The following SNTG2 variants were observed in gnomAD, a reference collection of about 807,000 sequenced individuals.
The protein encoded by SNTG2 is syntrophin gamma 2.
In SNTG2, 74 loss-of-function variants were observed where a neutral mutation model predicts 70.9. The ratio of observed to expected loss-of-function variants is 1.04; its 90% CI spans 0.86 to 1.27. The LOEUF is 1.27. Among genes scored for constraint, SNTG2 ranks in the 50% most tolerant of loss-of-function variants. SNTG2 has a pLI of 0.00. For missense variants in SNTG2, 717 were observed against 690.7 expected, an observed-to-expected ratio of 1.04 and a Z score of -0.43; for synonymous variants, 278 against 273.8, an observed-to-expected ratio of 1.02 and a Z score of -0.15.
intron 1 of SNTG2, among the ~76,000 whole-genome samples, chr2:1,034,996 T>G: frequency 6.6e-6 from 1 of 152,140 alleles, no homozygotes; most frequent in East Asian, 1.9e-4. Context: ...GCTAAGCAAC[T>G]GAAATCACAC....
At chr2:1,092,877 T>A (rs1665125669) in intron 2 of SNTG2, among the ~76,000 whole-genome samples, 2 of 152,228 alleles carry the variant, frequency 1.3e-5, no homozygotes, top group African/African-American at 4.8e-5. Flanking sequence ...ATTAATTAAA[T>A]GTCATAACAT....
At chr2:1,288,148 T>A (rs1679842619) in intron 14 of SNTG2, among the ~76,000 whole-genome samples, 1 of 152,164 alleles carries the variant, frequency 6.6e-6, no homozygotes, top group Non-Finnish European at 1.5e-5. Context: ...ACATGGTAAA[T>A]GCCATCCAAC....
chr2:1,321,707 G>A (rs1681530860), intron 16 of SNTG2, among the ~76,000 whole-genome samples: 1 of 152,108 alleles, frequency 6.6e-6, no homozygotes, highest in African/African-American at 2.4e-5. Context: ...ATGAACCAGG[G>A]GCTCCTAAAT....
chr2:1,360,055 AG>A (rs1235072956), intron 16 of SNTG2, among the ~76,000 whole-genome samples: 84 of 71,708 alleles, frequency 1.2e-3, no homozygotes, highest in African/African-American at 3.7e-3. Flanking sequence ...TTTTTCCCAT[AG>A]GAAAAAAAAA....
chr2:1,132,199 GTATATATATGTGTATA>G (rs1558437122), intron 4 of SNTG2, among the ~76,000 whole-genome samples: 1 of 150,848 alleles, frequency 6.6e-6, no homozygotes, highest in Non-Finnish European at 1.5e-5. Flanking sequence ...ATATGTGTGT[GTATATATATGTGTATA>G]TATATGTGTA....
chr2:1,094,347 G>A lies in SNTG2; in HGVS notation c.211-3849G>A, dbSNP rs1665241981. Among the ~76,000 whole-genome samples, 2 of 60,220 alleles carry A rather than the reference G, an allele frequency of 3.3e-5. 1 individual carries two copies. Among genetic ancestry groups the A allele is most frequent in the Non-Finnish European group, 6.0e-5 (2 of 33,302 alleles). 39.5% of individuals were successfully genotyped at this position (60,220 alleles called of 152,430 possible). On this transcript the variant is annotated intron_variant, in intron 2 of 16. Coordinates refer to ENST00000308624, the MANE Select transcript of SNTG2 (RefSeq NM_018968.4). Reference sequence around the variant, plus strand: ...CTGCAGGCGAAGGCCTTATAGGTGTGTCCTCATATGGTAGAGTTACTGGCA... The same window carrying A: ...CTGCAGGCGAAGGCCTTATAGGTGTATCCTCATATGGTAGAGTTACTGGCA...
At chr2:1,213,774 A>G (rs1032114598) in intron 9 of SNTG2, among the ~76,000 whole-genome samples, 1 of 152,206 alleles carries the variant, frequency 6.6e-6, no homozygotes, top group Non-Finnish European at 1.5e-5. Context: ...AAACCTCACA[A>G]AGATATTGTT....
intron 9 of SNTG2, among the ~76,000 whole-genome samples, chr2:1,221,477 C>CTGCCTA (rs1674839134): frequency 2.8e-5 from 1 of 35,236 alleles, no homozygotes; most frequent in Admixed American, 2.3e-4. Context: ...CTCTCTGTCT[C>CTGCCTA]TCTCTCTCTC....
intron 14 of SNTG2, among the ~76,000 whole-genome samples, chr2:1,284,474 G>T (rs996964441): frequency 2.0e-5 from 3 of 152,156 alleles, no homozygotes; most frequent in African/African-American, 7.2e-5. Flanking sequence ...GAACCCCAGA[G>T]TCTCCAACGT....
chr2:1,356,881 C>T (rs1405408429), intron 16 of SNTG2, among the ~76,000 whole-genome samples: 1 of 151,178 alleles, frequency 6.6e-6, no homozygotes, highest in Non-Finnish European at 1.5e-5. Flanking sequence ...CTTTTTGCCT[C>T]CTTGGTTAAG....
At chr2:994,613 C>A (rs1239621141) in intron 1 of SNTG2, among the ~76,000 whole-genome samples, 1 of 151,948 alleles carries the variant, frequency 6.6e-6, no homozygotes, top group Non-Finnish European at 1.5e-5. Context: ...ATCTGTAGAT[C>A]AATTTGAGAA....
intron 1 of SNTG2, among the ~76,000 whole-genome samples, chr2:997,406 G>A (rs1457167661): frequency 6.6e-6 from 1 of 152,194 alleles, no homozygotes; most frequent in Non-Finnish European, 1.5e-5. Context: ...AATGAAGTGA[G>A]AGATGTAGGA....
chr2:1,073,649 A>T (rs11891917), intron 1 of SNTG2, among the ~76,000 whole-genome samples: 9,988 of 152,240 alleles, frequency 0.066, 982 homozygotes, highest in African/African-American at 0.21. Context: ...CTTCTTTCAC[A>T]CACACTACAT....
intron 4 of SNTG2, among the ~76,000 whole-genome samples, chr2:1,117,244 C>T (rs1290434813): frequency 2.0e-5 from 3 of 152,186 alleles, no homozygotes; most frequent in East Asian, 1.9e-4. Context: ...ATTCCAAAGG[C>T]ACTTTAAGGT....
intron 16 of SNTG2, among the ~76,000 whole-genome samples, chr2:1,326,438 A>G (rs1458083338): frequency 6.6e-6 from 1 of 152,210 alleles, no homozygotes; most frequent in East Asian, 1.9e-4. Context: ...ACAAAACAGC[A>G]ACACAAGTCA....
chr2:1,008,914 G>A (rs975406973), intron 1 of SNTG2, among the ~76,000 whole-genome samples: 3 of 152,212 alleles, frequency 2.0e-5, no homozygotes, highest in African/African-American at 7.2e-5. Context: ...GACAGAAAGT[G>A]CTGTTTCAAA....
intron 14 of SNTG2, among the ~76,000 whole-genome samples, chr2:1,295,167 G>T (rs1680149890): frequency 6.6e-6 from 1 of 152,190 alleles, no homozygotes; most frequent in Non-Finnish European, 1.5e-5. Flanking sequence ...CATGAGCTCT[G>T]TGGCAACTCT....
intron 8 of SNTG2, among the ~76,000 whole-genome samples, chr2:1,186,845 TAAGC>T (rs968003641): frequency 5.9e-5 from 9 of 152,170 alleles, no homozygotes; most frequent in South Asian, 4.2e-4. Flanking sequence ...ATTAAAGAAA[TAAGC>T]AAGAGACTCA....
intron 8 of SNTG2, among the ~76,000 whole-genome samples, chr2:1,200,802 T>C (rs1266843079): frequency 4.6e-5 from 7 of 152,090 alleles, no homozygotes; most frequent in African/African-American, 1.7e-4. Context: ...ATGCTTAGCA[T>C]TACTAATCAT....
Sources: gnomAD v4.1 joint callset for allele counts (sites outside exome capture counted in the v4.1 genomes callset) on GRCh38, gnomAD v4.1.1 for gene constraint, MANE v1.5 for transcripts, NCBI Gene and HGNC (gene_info 2026-07-23, HGNC 2026-07-21) for gene names.